The following EEFSEC variants were observed in gnomAD, a reference collection of about 807,000 sequenced individuals.
EEFSEC encodes eukaryotic elongation factor, selenocysteine-tRNA specific.
In EEFSEC, 43 loss-of-function variants were observed where a neutral mutation model predicts 42.1. The observed-to-expected ratio is 1.02, with a 90% CI of 0.80 to 1.32. The LOEUF is 1.32. Ranked by LOEUF, EEFSEC falls within the 40% of genes most tolerant of loss-of-function variation. EEFSEC has a pLI of 0.00. For missense variants in EEFSEC, 745 were observed against 803.6 expected (o/e 0.93, Z 0.88); for synonymous variants, 354 against 339.1 (o/e 1.04, Z -0.48).
chr3:128,342,425 G>T (rs1184642905), intron 5 of EEFSEC, among the ~76,000 whole-genome samples: 1 of 152,154 alleles, frequency 6.6e-6, no homozygotes, highest in Non-Finnish European at 1.5e-5. Flanking sequence ...AGGGGCTAAT[G>T]GTGGCCAGGT....
intron 1 of EEFSEC, among the ~76,000 whole-genome samples, chr3:128,207,566 TACACACACACACACAC>T (rs10574435): frequency 1.4e-5 from 2 of 142,490 alleles, no homozygotes; most frequent in Non-Finnish European, 3.1e-5. Flanking sequence ...ACACATTGCA[TACACACACACACACAC>T]ACACACACAC....
chr3:128,182,224 C>T (rs951242068), intron 1 of EEFSEC, among the ~76,000 whole-genome samples: 2 of 151,852 alleles, frequency 1.3e-5, no homozygotes, highest in Non-Finnish European at 2.9e-5. Context: ...GTGTAATGCC[C>T]CCGCACATCT....
the EEFSEC span, among the ~76,000 whole-genome samples, chr3:128,425,441 T>C: frequency 3.7e-4 from 57 of 152,170 alleles, no homozygotes; most frequent in Admixed American, 1.4e-3. Flanking sequence ...TTGGGGTGAC[T>C]GTGACTAAAG....
rs934270622 is a variant in EEFSEC at position 128,321,784 on chromosome 3, G to T, written c.787-19449G>T. Among the ~76,000 whole-genome samples, 4 of 152,212 alleles carry T rather than the reference G, an allele frequency of 2.6e-5. No homozygotes were observed. The East Asian group carries it at 7.7e-4, about 29-fold the overall frequency. On this transcript the variant is annotated intron_variant, in intron 4 of 6. Transcript: ENST00000254730. Reference sequence around the variant, plus strand: ...TGGCCCATCCTTGCCCCGATGGAATGTCCAGTGCCATGTGGAAGACAGACT... The same window carrying T: ...TGGCCCATCCTTGCCCCGATGGAATTTCCAGTGCCATGTGGAAGACAGACT...
chr3:128,314,620 A>G (rs1426127219), intron 4 of EEFSEC, among the ~76,000 whole-genome samples: 2 of 152,238 alleles, frequency 1.3e-5, no homozygotes, highest in Non-Finnish European at 2.9e-5. Context: ...TTGGTATTAC[A>G]GGCATCAGCC....
chr3:128,400,695 T>TTCC (rs1263577488), intron 6 of EEFSEC, among the ~76,000 whole-genome samples: 2 of 152,236 alleles, frequency 1.3e-5, no homozygotes, highest in African/African-American at 4.8e-5. Flanking sequence ...GAGACCCCTC[T>TTCC]TCCAGTCTGG....
At chr3:128,179,210 C>A (rs2065380383) in intron 1 of EEFSEC, among the ~76,000 whole-genome samples, 1 of 152,130 alleles carries the variant, frequency 6.6e-6, no homozygotes, top group Non-Finnish European at 1.5e-5. Context: ...AGTGCCACTT[C>A]CCAAGGTGGA....
Position 128,306,225 on chromosome 3 carries a change from CTG to C in EEFSEC, c.787-35006_787-35005del, listed in dbSNP as rs376473856. On this transcript the variant is annotated intron_variant, in intron 4 of 6. Coordinates refer to ENST00000254730, the MANE Select transcript of EEFSEC (RefSeq NM_021937.5). ...ACGGCTTTTAAAAAGAAGAGTTATT[CTG>C]TTATAAGAATATAAAGTTTGAGATA... Among the ~76,000 whole-genome samples the C allele has an allele frequency of 5.9e-3, 903 of 152,216 alleles. 10 individuals carry two copies. The highest frequency in any genetic ancestry group is 0.019 in the African/African-American group (786 of 41,520).
intron 4 of EEFSEC, among the ~76,000 whole-genome samples, chr3:128,289,400 G>A (rs1208438795): frequency 6.6e-6 from 1 of 152,150 alleles, no homozygotes; most frequent in African/African-American, 2.4e-5. Flanking sequence ...CACAAATTCA[G>A]GTGCCTTTTA....
At chr3:128,229,520 G>A (rs1027914824) in intron 1 of EEFSEC, among the ~76,000 whole-genome samples, 6 of 152,122 alleles carry the variant, frequency 3.9e-5, no homozygotes, top group Non-Finnish European at 5.9e-5. Context: ...CAGGCATAGC[G>A]GACTGATTCC....
At chr3:128,158,218 G>A (rs773414504) in intron 1 of EEFSEC, among the ~76,000 whole-genome samples, 5 of 152,204 alleles carry the variant, frequency 3.3e-5, no homozygotes, top group Admixed American at 6.5e-5. Context: ...TGCTTCTTGT[G>A]CATGAGCAAA....
intron 5 of EEFSEC, among the ~76,000 whole-genome samples, chr3:128,347,893 G>A (rs565952382): frequency 6.6e-6 from 1 of 152,238 alleles, no homozygotes; most frequent in Admixed American, 6.5e-5. Flanking sequence ...AGGACAACGA[G>A]GCAGAATATA....
At chr3:128,240,364 T>C (rs1175794553) in intron 1 of EEFSEC, among the ~76,000 whole-genome samples, 1 of 152,214 alleles carries the variant, frequency 6.6e-6, no homozygotes, top group Non-Finnish European at 1.5e-5. Flanking sequence ...TAGGTCCTGA[T>C]TGTGGATGAG....
chr3:128,398,371 G>A (rs1189282689), intron 6 of EEFSEC, among the ~76,000 whole-genome samples: 3 of 152,212 alleles, frequency 2.0e-5, no homozygotes, highest in Admixed American at 2.0e-4. Context: ...GCAGTGCTGA[G>A]ATGGAAGAGG....
chr3:128,350,296 C>G (rs2067367878), intron 5 of EEFSEC, among the ~76,000 whole-genome samples: 1 of 152,218 alleles, frequency 6.6e-6, no homozygotes, highest in Non-Finnish European at 1.5e-5. Flanking sequence ...TCATTCTCAG[C>G]AGGGATGGTC....
intron 1 of EEFSEC, among the ~76,000 whole-genome samples, chr3:128,167,078 T>A (rs2065248756): frequency 6.6e-6 from 1 of 152,064 alleles, no homozygotes; most frequent in East Asian, 1.9e-4. Context: ...CACATGCAGG[T>A]CTGTGGACAG....
chr3:128,400,486 A>G (rs2068036387), intron 6 of EEFSEC, among the ~76,000 whole-genome samples: 2 of 152,158 alleles, frequency 1.3e-5, no homozygotes, highest in Admixed American at 1.3e-4. Flanking sequence ...CATCACCAGG[A>G]TGCTGACCCC....
At chr3:128,206,783 A>G (rs1424699074) in intron 1 of EEFSEC, among the ~76,000 whole-genome samples, 1 of 152,240 alleles carries the variant, frequency 6.6e-6, no homozygotes, top group African/African-American at 2.4e-5. Flanking sequence ...GAGGATGCTG[A>G]GACACAGACA....
downstream of EEFSEC, among the ~76,000 whole-genome samples, chr3:128,412,566 G>C (rs1345130645): frequency 6.6e-6 from 1 of 152,214 alleles, no homozygotes; most frequent in Non-Finnish European, 1.5e-5. Context: ...GAACAGCAGA[G>C]TGAAGGCTGT....
Sources: allele counts gnomAD v4.1 joint callset (sites outside exome capture counted in the v4.1 genomes callset), GRCh38; gene constraint gnomAD v4.1.1; transcripts MANE v1.5; gene names NCBI Gene and HGNC (gene_info 2026-07-23, HGNC 2026-07-21).